Variants in RASGRP3 observed in about 807,000 individuals in gnomAD.
RASGRP3 encodes ras guanyl-releasing protein 3.
Under a neutral mutation model 82.7 loss-of-function variants are expected in RASGRP3, and 54 were observed. The ratio of observed to expected loss-of-function variants is 0.65; its 90% CI spans 0.52 to 0.82. The LOEUF (loss-of-function observed/expected upper bound fraction) is 0.82, where lower values mean the gene tolerates loss of function less well. Among genes scored for constraint, RASGRP3 ranks in the 40% least tolerant of loss-of-function variants. The pLI is 0.00. For synonymous variants in RASGRP3, 309 were observed against 300.5 expected (o/e 1.03, Z -0.29); for missense variants, 861 against 828.9 (o/e 1.04, Z -0.48).
intron 1 of RASGRP3, among the ~76,000 whole-genome samples, chr2:33,446,987 C>CA (rs1159182359): frequency 3.3e-5 from 5 of 150,652 alleles, no homozygotes; most frequent in South Asian, 4.2e-4. Flanking sequence ...GCTAAAAATA[C>CA]AAAAAATTAG....
chr2:33,546,555 A>G (rs1228285939), intron 13 of RASGRP3, among the ~76,000 whole-genome samples: 2 of 152,184 alleles, frequency 1.3e-5, no homozygotes, highest in Non-Finnish European at 2.9e-5. Context: ...TTCCTCAAGC[A>G]GCTAAAAACA....
At position 33,523,881 on chromosome 2, in the gene RASGRP3, C is replaced by A. The variant is rs1215100332; in HGVS notation, c.519C>A (p.Phe173Leu). 6.2e-7 allele frequency: 1 copy of A among 1,606,792 alleles called. No individual in the cohort carries two copies. Among genetic ancestry groups the A allele is most frequent in the African/African-American group, 1.3e-5 (1 of 74,896 alleles). ...LEHKSFRRIS[F>L]TDYQSYVIHG... is the part of the protein sequence containing the mutation. ...GTCTCTGAATCTTCCTTTCCTAGTT[C>A]ACTGATTACCAAAGCTATGTCATCC... is the stretch of plus-strand genomic sequence containing the variant. Residue 173 changes from phenylalanine to leucine, a missense_variant and splice_region_variant, in exon 8 of 18, where the codon TTC becomes TTA. By Grantham distance (22) the Phe-to-Leu change is conservative. Transcript: ENST00000403687.
intron 11 of RASGRP3, among the ~76,000 whole-genome samples, chr2:33,537,330 C>CCCCA (rs66749495): frequency 0.061 from 5,835 of 95,246 alleles, 581 homozygotes; most frequent in Non-Finnish European, 0.077. Flanking sequence ...ACCGCCCCCC[C>CCCCA]CACACACACA....
At position 33,516,695 on chromosome 2, in the gene RASGRP3, A is replaced by T. The variant is rs927188338; in HGVS notation, c.173+51A>T. On this transcript the variant is annotated intron_variant, in intron 4 of 17. Transcript: ENST00000403687. ...TTTACAATCATAAATCAAGCTCTGTATTTAGATAGAGTGTCTATCCAAAGC... is the reference window on the plus strand; with the variant it reads ...TTTACAATCATAAATCAAGCTCTGTTTTTAGATAGAGTGTCTATCCAAAGC... The T allele has an allele frequency of 4.8e-6, 6 of 1,244,856 alleles. No homozygotes were observed. The African/African-American group carries it at 6.0e-5, about 12-fold the overall frequency. 77.1% of individuals were successfully genotyped at this position (1,244,856 alleles called of 1,614,324 possible).
chr2:33,453,478 G>T (rs1176540711), intron 2 of RASGRP3, among the ~76,000 whole-genome samples: 2 of 152,164 alleles, frequency 1.3e-5, no homozygotes, highest in African/African-American at 4.8e-5. Context: ...GTTGGTGCTG[G>T]CTGTTAGCTG....
At chr2:33,484,040 G>C (rs1668158666) in intron 1 of RASGRP3, among the ~76,000 whole-genome samples, 1 of 152,070 alleles carries the variant, frequency 6.6e-6, no homozygotes, top group Admixed American at 6.5e-5. Flanking sequence ...TCACTTCTCT[G>C]TTTTGTTTTG....
rs751719380 is a variant in RASGRP3 at position 33,511,843 on chromosome 2, G to A, written c.-128+1G>A. On this transcript the variant is annotated splice_donor_variant, in intron 2 of 17. Coordinates refer to ENST00000403687, the MANE Select transcript of RASGRP3 (RefSeq NM_001139488.2). LOFTEE classifies it low-confidence loss of function (5UTR_SPLICE). ...AACTGTATCTGTATGGAAACAACAG[G>A]TAAGTATTTCTTTAAATTGTCATAA... 4.6e-5 allele frequency: 7 copies of A among 152,560 alleles called. No homozygotes were observed. The highest frequency in any genetic ancestry group is 5.9e-5 in the Non-Finnish European group (4 of 68,032). The allele number at this position is 152,560 out of a possible 1,614,324, so 9.5% of individuals were successfully genotyped here. A position where few individuals can be genotyped will look rare whatever the true frequency, so the allele number is the denominator to read the frequency against.
chr2:33,463,998 T>A (rs536706267), intron 2 of RASGRP3, among the ~76,000 whole-genome samples: 11 of 151,976 alleles, frequency 7.2e-5, no homozygotes, highest in Non-Finnish European at 2.9e-5. Flanking sequence ...ATTGAAAGTT[T>A]AAGGCAACCC....
At chr2:33,517,000 T>C (rs1671529733) in intron 4 of RASGRP3, among the ~76,000 whole-genome samples, 1 of 152,228 alleles carries the variant, frequency 6.6e-6, no homozygotes, top group Admixed American at 6.5e-5. Flanking sequence ...GGCAAAATGG[T>C]GGGCATAGAG....
chr2:33,518,109 G>A (rs115520079), intron 4 of RASGRP3, among the ~76,000 whole-genome samples: 2,052 of 152,196 alleles, frequency 0.013, 47 homozygotes, highest in African/African-American at 0.047. Context: ...TAACGACGGG[G>A]ATACATTCTA....
At chr2:33,558,363 C>T (rs1053906349) in intron 16 of RASGRP3, 27 bp downstream of exon 16, 35 of 1,612,260 alleles carry the variant, frequency 2.2e-5, no homozygotes, top group Non-Finnish European at 2.8e-5. Flanking sequence ...TCTTTGCTGC[C>T]ATGGTCTCTT....
intron 2 of RASGRP3, among the ~76,000 whole-genome samples, chr2:33,454,755 A>G (rs775234001): frequency 2.0e-5 from 3 of 152,200 alleles, no homozygotes; most frequent in Admixed American, 6.5e-5. Flanking sequence ...GACATATTAC[A>G]CTTGAAACTG....
At position 33,539,120 on chromosome 2, in the gene RASGRP3, C is replaced by G; in HGVS notation, c.1188C>G (p.Asn396Lys). The G allele has an allele frequency of 3.1e-6, 5 of 1,610,294 alleles. No homozygotes were observed. The highest frequency in any genetic ancestry group is 4.2e-6 in the Non-Finnish European group (5 of 1,178,350). Residue 396 changes from asparagine to lysine, a missense_variant, in exon 12 of 18, where the codon AAC becomes AAG. By Grantham distance (94) the Asn-to-Lys change is moderately conservative (BLOSUM62 0). Transcript: ENST00000403687. ...AGCCTACCTCCCCTACGACGCCCAA[C>G]AAGCCTGTGGTACCCCTGGAGTGGG... The part of the protein sequence containing the change: ...KSQPTSPTTP[N>K]KPVVPLEWAL...
At chr2:33,494,321 C>G (rs976159881) in intron 1 of RASGRP3, among the ~76,000 whole-genome samples, 1 of 152,276 alleles carries the variant, frequency 6.6e-6, no homozygotes, top group East Asian at 1.9e-4. Flanking sequence ...GACCAAGGCT[C>G]GCAGCTGCAC....
chr2:33,464,309 G>A (rs995318679), intron 2 of RASGRP3, among the ~76,000 whole-genome samples: 37 of 150,612 alleles, frequency 2.5e-4, no homozygotes, highest in African/African-American at 8.8e-4. Context: ...TAGTAGAGTC[G>A]GGGTCTTACC....
intron 2 of RASGRP3, among the ~76,000 whole-genome samples, chr2:33,468,358 C>T (rs185510476): frequency 1.0e-3 from 157 of 152,056 alleles, no homozygotes; most frequent in African/African-American, 3.5e-3. Flanking sequence ...TTTTATATCT[C>T]ACTTAATCGA....
intron 1 of RASGRP3, among the ~76,000 whole-genome samples, chr2:33,506,338 A>T (rs1438658713): frequency 6.6e-6 from 1 of 152,232 alleles, no homozygotes; most frequent in Admixed American, 6.5e-5. Context: ...AAATTTTTGG[A>T]GTTGGACTTG....
At chr2:33,538,517 A>C (rs3083023) in intron 11 of RASGRP3, among the ~76,000 whole-genome samples, 9 of 140,788 alleles carry the variant, frequency 6.4e-5, no homozygotes, top group African/African-American at 1.6e-4. Context: ...TAAATAAATA[A>C]ATAAATAAAT....
chr2:33,513,704 C>G (rs1236949512), intron 2 of RASGRP3, among the ~76,000 whole-genome samples: 1 of 152,252 alleles, frequency 6.6e-6, no homozygotes, highest in Non-Finnish European at 1.5e-5. Context: ...GTGATAATGT[C>G]TATCCAGCAG....
Sources: gnomAD v4.1 joint callset for allele counts (sites outside exome capture counted in the v4.1 genomes callset) on GRCh38, gnomAD v4.1.1 for gene constraint, MANE v1.5 for transcripts, NCBI Gene and HGNC (gene_info 2026-07-23, HGNC 2026-07-21) for gene names.